Variants in HHLA2 observed in about 807,000 individuals in gnomAD.
The protein encoded by HHLA2 is HERV-H LTR-associating protein 2.
Under a neutral mutation model 45.9 loss-of-function variants are expected in HHLA2, and 48 were observed. The ratio of observed to expected loss-of-function variants is 1.05; its 90% CI spans 0.83 to 1.33. The LOEUF (loss-of-function observed/expected upper bound fraction) is 1.33. Ranked by LOEUF, HHLA2 falls within the 40% of genes most tolerant of loss-of-function variation. The probability of loss-of-function intolerance (pLI) is 0.00; values close to 1 mark genes in which losing one functional copy is unlikely to be tolerated. For synonymous variants in HHLA2, 161 were observed against 173.9 expected, an observed-to-expected ratio of 0.93 and a Z score of 0.59; for missense variants, 462 against 494.3, an observed-to-expected ratio of 0.93 and a Z score of 0.62.
chr3:108,358,121 G>A (rs769068694), exon 7 of HHLA2: 25 of 1,612,648 alleles, frequency 1.6e-5, no homozygotes, highest in East Asian at 4.5e-5. Flanking sequence ...ATATTTCTTC[G>A]GATGAATATA....
chr3:108,355,096 C>G lies in HHLA2; in HGVS notation c.419-19C>G, dbSNP rs757525353. On this transcript the variant is annotated intron_variant, in intron 5 of 10. Transcript: ENST00000619531. Reference sequence around the variant, plus strand: ...CTAATGATGGCAGTTTTTCATGCGCCCTTCTTTCTCCTATGTAGTTTTTCT... The same window carrying G: ...CTAATGATGGCAGTTTTTCATGCGCGCTTCTTTCTCCTATGTAGTTTTTCT... The G allele has an allele frequency of 6.3e-7, 1 of 1,595,802 alleles. No individual in the cohort carries two copies. Among genetic ancestry groups the G allele is most frequent in the South Asian group, 1.1e-5 (1 of 88,132 alleles).
At chr3:108,362,254 A>G (rs2081994290) in intron 7 of HHLA2, 88 bp from the exon 7 acceptor site, 1 of 895,302 alleles carries the variant, frequency 1.1e-6, no homozygotes, top group African/African-American at 1.7e-5. Flanking sequence ...AAAATAGTAA[A>G]CATACTCCAC....
chr3:108,342,265 T>C (rs1363698673), intron 3 of HHLA2, among the ~76,000 whole-genome samples: 1 of 144,330 alleles, frequency 6.9e-6, no homozygotes, highest in Non-Finnish European at 1.5e-5. Context: ...CTCTCTTTTT[T>C]TTTTTTTTTT....
chr3:108,298,140 A>G lies in HHLA2; in HGVS notation c.-192+1541A>G, dbSNP rs578060588. Among the ~76,000 whole-genome samples, 127 of 152,354 alleles carry G rather than the reference A, an allele frequency of 8.3e-4. 2 individuals carry two copies. Among genetic ancestry groups the G allele is most frequent in the Admixed American group, 1.8e-3 (27 of 15,306 alleles). On this transcript the variant is annotated intron_variant, in intron 1 of 10. Transcript: ENST00000619531. ...GCGACCCAGGGGCTATCCAAGAGCC[A>G]GTTGCTTCCTGACTTAATTTCTGGG... is the stretch of plus-strand genomic sequence containing the variant.
intron 3 of HHLA2, among the ~76,000 whole-genome samples, chr3:108,348,730 T>C (rs775472531): frequency 2.0e-5 from 3 of 152,060 alleles, no homozygotes; most frequent in African/African-American, 4.8e-5. Flanking sequence ...ACAGGTGCCC[T>C]GGTGGTTTGC....
chr3:108,375,846 G>A (rs1404841302), intron 9 of HHLA2, 46 bp downstream of exon 8: 1 of 1,599,408 alleles, frequency 6.3e-7, no homozygotes, highest in Non-Finnish European at 8.5e-7. Flanking sequence ...GGTTCTGGAG[G>A]AGCAGTCAAA....
At chr3:108,377,154 T>G in intron 10 of HHLA2, 104 bp from the exon 10 acceptor site, 1 of 737,494 alleles carries the variant, frequency 1.4e-6, no homozygotes, top group Non-Finnish European at 2.3e-6. Flanking sequence ...ACTAAAGCTT[T>G]TTGCCGCCCA....
chr3:108,373,434 C>T (rs2082216023), intron 8 of HHLA2, among the ~76,000 whole-genome samples: 1 of 61,984 alleles, frequency 1.6e-5, no homozygotes, highest in African/African-American at 9.9e-5. Context: ...CAGGGATGCC[C>T]TCTCACCACT....
At chr3:108,363,780 G>A (rs2082017604) in intron 8 of HHLA2, among the ~76,000 whole-genome samples, 1 of 152,126 alleles carries the variant, frequency 6.6e-6, no homozygotes, top group Non-Finnish European at 1.5e-5. Flanking sequence ...GTCTGCATAA[G>A]TCAGTTCTCA....
intron 2 of HHLA2, among the ~76,000 whole-genome samples, chr3:108,314,348 A>AG (rs953153206): frequency 6.6e-6 from 1 of 151,750 alleles, no homozygotes; most frequent in African/African-American, 2.4e-5. Flanking sequence ...TCTTAAAAAA[A>AG]AAAAAAAAAT....
chr3:108,368,329 T>C (rs987079417), intron 8 of HHLA2, among the ~76,000 whole-genome samples: 2 of 151,860 alleles, frequency 1.3e-5, no homozygotes, highest in Admixed American at 1.3e-4. Flanking sequence ...GCCAGCATCA[T>C]GATGACAGGA....
chr3:108,317,576 CTTTT>C (rs55986913), intron 2 of HHLA2, among the ~76,000 whole-genome samples: 2 of 122,598 alleles, frequency 1.6e-5, no homozygotes, highest in Admixed American at 8.0e-5. Context: ...GAGATTACTT[CTTTT>C]TTTTTTTTTT....
At chr3:108,377,413 C>A in exon 11 of HHLA2, 1 of 630,582 alleles carries the variant, frequency 1.6e-6, no homozygotes, top group South Asian at 2.1e-5. Context: ...GAGTTGTAAC[C>A]ATTTTCTGGT....
intron 3 of HHLA2, among the ~76,000 whole-genome samples, chr3:108,331,144 T>C (rs1215963325): frequency 2.0e-5 from 3 of 152,190 alleles, no homozygotes; most frequent in African/African-American, 4.8e-5. Flanking sequence ...GTCTAGAACA[T>C]TGTTCTCAAA....
intron 2 of HHLA2, among the ~76,000 whole-genome samples, chr3:108,318,959 A>G (rs2081150297): frequency 6.6e-6 from 1 of 152,174 alleles, no homozygotes; most frequent in African/African-American, 2.4e-5. Context: ...CTTCGCAAAT[A>G]GCTCCATTCT....
At chr3:108,317,397 T>C (rs2081120053) in intron 2 of HHLA2, among the ~76,000 whole-genome samples, 1 of 152,124 alleles carries the variant, frequency 6.6e-6, no homozygotes, top group Non-Finnish European at 1.5e-5. Context: ...CTTTAGAAAT[T>C]AAGCAGGCAA....
At chr3:108,344,225 A>C (rs2081624961) in intron 3 of HHLA2, among the ~76,000 whole-genome samples, 1 of 151,844 alleles carries the variant, frequency 6.6e-6, no homozygotes, top group Non-Finnish European at 1.5e-5. Flanking sequence ...AGAACAATTT[A>C]ATCAATAATG....
chr3:108,333,567 T>A (rs1273475956), intron 3 of HHLA2, among the ~76,000 whole-genome samples: 2 of 134,610 alleles, frequency 1.5e-5, no homozygotes, highest in Non-Finnish European at 3.1e-5. Context: ...TCCAACCCTA[T>A]ATGTCTTTTC....
At chr3:108,358,312 T>G (rs550710719) in intron 7 of HHLA2, among the ~76,000 whole-genome samples, 151 bp downstream of exon 6, 1 of 152,230 alleles carries the variant, frequency 6.6e-6, no homozygotes, top group South Asian at 2.1e-4. Context: ...GGATGTCGAT[T>G]ACCCTCCCTC....
Sources: allele counts gnomAD v4.1 joint callset (sites outside exome capture counted in the v4.1 genomes callset), GRCh38; gene constraint gnomAD v4.1.1; transcripts MANE v1.5; gene names NCBI Gene and HGNC (gene_info 2026-07-23, HGNC 2026-07-21).